HDAC4: variants seen among roughly 807,000 people sequenced by gnomAD.
HDAC4 encodes histone deacetylase A.
A neutral mutation model predicts 135.1 loss-of-function variants in HDAC4; 16 were observed. That is an observed-to-expected ratio of 0.12 (90% CI 0.08 to 0.18). HDAC4 has a LOEUF of 0.18. Among genes scored for constraint, HDAC4 ranks in the 10% least tolerant of loss-of-function variants. The pLI is 1.00. For synonymous variants in HDAC4, 685 were observed against 653.4 expected (o/e 1.05, Z -0.74); for missense variants, 1,143 against 1,511.8 (o/e 0.76, Z 4.05).
At chr2:239,203,794 G>A (rs1295971782) in intron 3 of HDAC4, among the ~76,000 whole-genome samples, 3 of 152,174 alleles carry the variant, frequency 2.0e-5, no homozygotes, top group Non-Finnish European at 4.4e-5. Context: ...GTGGAGATGA[G>A]GGACTGCGAG....
At chr2:239,269,261 C>CCACACATTCACACACCCA (rs1222573875) in intron 2 of HDAC4, among the ~76,000 whole-genome samples, 78 of 145,658 alleles carry the variant, frequency 5.4e-4, no homozygotes, top group African/African-American at 1.4e-3. Context: ...ATTCACACAC[C>CCACACATTCACACACCCA]CACACATTCA....
At chr2:239,276,921 AC>A (rs994260703) in intron 2 of HDAC4, among the ~76,000 whole-genome samples, 2 of 150,420 alleles carry the variant, frequency 1.3e-5, no homozygotes, top group Non-Finnish European at 3.0e-5. Context: ...CCCAACCCTG[AC>A]CCCCTAACAC....
At chr2:239,064,569 A>C (rs1284220326) in intron 24 of HDAC4, among the ~76,000 whole-genome samples, 1 of 152,160 alleles carries the variant, frequency 6.6e-6, no homozygotes, top group African/African-American at 2.4e-5. Flanking sequence ...GACTGCTCAC[A>C]ATAAGACCCT....
At chr2:239,228,818 C>T (rs1379939391) in intron 3 of HDAC4, among the ~76,000 whole-genome samples, 1 of 152,140 alleles carries the variant, frequency 6.6e-6, no homozygotes, top group African/African-American at 2.4e-5. Flanking sequence ...CAGGAGGGCG[C>T]AGCTTCTGGT....
chr2:239,277,510 G>T (rs2050438750), intron 2 of HDAC4, among the ~76,000 whole-genome samples: 2 of 152,186 alleles, frequency 1.3e-5, no homozygotes, highest in African/African-American at 4.8e-5. Flanking sequence ...TCACGCCATG[G>T]TGGCCCATCG....
chr2:239,338,018 G>A (rs1485414334), intron 2 of HDAC4, among the ~76,000 whole-genome samples: 1 of 152,150 alleles, frequency 6.6e-6, no homozygotes, highest in Non-Finnish European at 1.5e-5. Context: ...GCATCCCCCA[G>A]CACACCGAAA....
intron 18 of HDAC4, 21 bp downstream of exon 18, chr2:239,089,988 A>G (rs1054370967): frequency 3.8e-6 from 6 of 1,561,988 alleles, no homozygotes; most frequent in African/African-American, 2.7e-5. Context: ...GAGGGCCACC[A>G]CTGTCCAGGC....
At chr2:239,298,553 G>A (rs911597493) in intron 2 of HDAC4, 5 of 1,023,200 alleles carry the variant, frequency 4.9e-6, no homozygotes, top group Non-Finnish European at 5.9e-6. Context: ...CACTGGGGAT[G>A]CAGGTGCCCC....
chr2:239,066,073 G>A (rs2033432439), intron 24 of HDAC4, among the ~76,000 whole-genome samples: 1 of 152,216 alleles, frequency 6.6e-6, no homozygotes, highest in South Asian at 2.1e-4. Flanking sequence ...AGGCCCTGCT[G>A]GGAGCAGGGA....
intron 4 of HDAC4, among the ~76,000 whole-genome samples, chr2:239,181,963 C>A (rs2044179437): frequency 6.6e-6 from 1 of 152,184 alleles, no homozygotes; most frequent in Admixed American, 6.5e-5. Context: ...CCCCTCAAGG[C>A]TAGGGAGATA....
chr2:239,320,850 C>G (rs966024080), intron 2 of HDAC4, among the ~76,000 whole-genome samples: 2 of 152,144 alleles, frequency 1.3e-5, no homozygotes, highest in African/African-American at 4.8e-5. Flanking sequence ...AAATGATCCC[C>G]AACTTGTAAG....
chr2:239,083,871 C>G (rs2035596120), intron 20 of HDAC4, among the ~76,000 whole-genome samples: 1 of 152,264 alleles, frequency 6.6e-6, no homozygotes, highest in Non-Finnish European at 1.5e-5. Context: ...TCCCCAACAC[C>G]TGTCTTCCAA....
chr2:239,198,532 C>A (rs1279053739), intron 3 of HDAC4, among the ~76,000 whole-genome samples: 1 of 152,224 alleles, frequency 6.6e-6, no homozygotes, highest in Admixed American at 6.5e-5. Flanking sequence ...CCCACATCCT[C>A]AGCTTGCTCC....
chr2:239,065,785 G>A (rs2033394105), intron 24 of HDAC4, among the ~76,000 whole-genome samples: 1 of 152,208 alleles, frequency 6.6e-6, no homozygotes, highest in Non-Finnish European at 1.5e-5. Context: ...CGTGCCAGCT[G>A]GCTGTTCTCC....
intron 2 of HDAC4, among the ~76,000 whole-genome samples, chr2:239,247,380 C>A (rs2048527400): frequency 6.6e-6 from 1 of 152,208 alleles, no homozygotes. Context: ...GGTGGAATAT[C>A]CCCCCTGTCG....
chr2:239,188,653 C>T (rs2044704044), intron 4 of HDAC4, among the ~76,000 whole-genome samples: 1 of 152,240 alleles, frequency 6.6e-6, no homozygotes. Context: ...GAGACATGCC[C>T]TACGTGCGAC....
At chr2:239,334,110 C>A (rs1304217939) in intron 2 of HDAC4, among the ~76,000 whole-genome samples, 1 of 152,038 alleles carries the variant, frequency 6.6e-6, no homozygotes, top group Admixed American at 6.6e-5. Flanking sequence ...AAACACTGTG[C>A]GAGGTATCTG....
intron 24 of HDAC4, among the ~76,000 whole-genome samples, chr2:239,066,407 A>C (rs2033489361): frequency 6.6e-6 from 1 of 152,242 alleles, no homozygotes; most frequent in Non-Finnish European, 1.5e-5. Context: ...CTCTGGTCAC[A>C]GTGTGCTCCA....
chr2:239,230,368 C>CAAAAAAAATAAAAAAAAAAAAAAAAAAA (rs2047474603), intron 3 of HDAC4, among the ~76,000 whole-genome samples: 1 of 79,394 alleles, frequency 1.3e-5, no homozygotes, highest in Non-Finnish European at 2.3e-5. Flanking sequence ...AGCAAGCAAG[C>CAAAAAAAATAAAAAAAAAAAAAAAAAAA]AAAAAAAAAA....
Sources: gnomAD v4.1 joint callset for allele counts (sites outside exome capture counted in the v4.1 genomes callset) on GRCh38, gnomAD v4.1.1 for gene constraint, MANE v1.5 for transcripts, NCBI Gene and HGNC (gene_info 2026-07-23, HGNC 2026-07-21) for gene names.